CDKL4: variants seen among roughly 807,000 people sequenced by gnomAD.
CDKL4 encodes the protein cyclin-dependent kinase-like 4.
Under a neutral mutation model 42.0 loss-of-function variants are expected in CDKL4, and 44 were observed. That is an observed-to-expected ratio of 1.05 (90% CI 0.82 to 1.35). The LOEUF is 1.35. CDKL4 is among the 40% of genes most tolerant of loss of function. The pLI, the probability that CDKL4 is intolerant of heterozygous loss-of-function variation, is 0.00. For synonymous variants in CDKL4, 120 were observed against 121.6 expected (o/e 0.99, Z 0.09); for missense variants, 393 against 369.9 (o/e 1.06, Z -0.51).
chr2:39,173,057 A>G (rs1223093513), downstream of CDKL4, among the ~76,000 whole-genome samples: 1 of 152,258 alleles, frequency 6.6e-6, no homozygotes, highest in Non-Finnish European at 1.5e-5. Flanking sequence ...AAAGACAGTC[A>G]TCCCACCATC....
At chr2:39,210,729 C>G (rs961945258) in intron 4 of CDKL4, among the ~76,000 whole-genome samples, 2 of 152,120 alleles carry the variant, frequency 1.3e-5, no homozygotes, top group Non-Finnish European at 2.9e-5. Context: ...CCTGCAGCAA[C>G]TTTGATATCT....
At chr2:39,235,494 A>T in intron 1 of CDKL4, among the ~76,000 whole-genome samples, 1 of 152,212 alleles carries the variant, frequency 6.6e-6, no homozygotes, top group Admixed American at 6.5e-5. Context: ...AAATGCCATT[A>T]ATCTACTTAG....
At chr2:39,226,470 TATATATA>T (rs1443124594) in intron 2 of CDKL4, among the ~76,000 whole-genome samples, 3 of 142,650 alleles carry the variant, frequency 2.1e-5, no homozygotes, top group African/African-American at 7.7e-5. Context: ...ATATATTATA[TATATATA>T]ATATATATTA....
chr2:39,178,636 T>C (rs771534436), intron 9 of CDKL4: 3 of 1,583,864 alleles, frequency 1.9e-6, no homozygotes, highest in Middle Eastern at 1.7e-4. Context: ...ACAGTCACCA[T>C]ACTGTTCTGC....
intron 3 of CDKL4, among the ~76,000 whole-genome samples, chr2:39,214,991 T>C (rs1416671694): frequency 6.6e-6 from 1 of 152,198 alleles, no homozygotes; most frequent in East Asian, 1.9e-4. Flanking sequence ...TCTCTGTAAC[T>C]TTTCTGTTGG....
At chr2:39,197,731 T>G (rs12712631) in intron 5 of CDKL4, among the ~76,000 whole-genome samples, 2 of 152,026 alleles carry the variant, frequency 1.3e-5, no homozygotes, top group Non-Finnish European at 1.5e-5. Context: ...TTGTATCTAG[T>G]GAAACTAAGC....
intron 9 of CDKL4, chr2:39,178,890 T>C: frequency 6.8e-7 from 1 of 1,463,778 alleles, no homozygotes; most frequent in Non-Finnish European, 9.0e-7. Context: ...TTATATGAAG[T>C]TGTTATATTA....
intron 8 of CDKL4, among the ~76,000 whole-genome samples, chr2:39,179,864 C>T (rs1386889407): frequency 6.6e-6 from 1 of 152,040 alleles, no homozygotes; most frequent in African/African-American, 2.4e-5. Context: ...GAACCTAAAA[C>T]AAGGAAAAAT....
At chr2:39,185,486 C>G (rs1675780407) in intron 7 of CDKL4, among the ~76,000 whole-genome samples, 1 of 139,500 alleles carries the variant, frequency 7.2e-6, no homozygotes. Flanking sequence ...ATATTTGAGA[C>G]AGAGTCTCTG....
intron 8 of CDKL4, among the ~76,000 whole-genome samples, chr2:39,181,127 T>C (rs1224728260): frequency 1.3e-5 from 2 of 152,214 alleles, no homozygotes; most frequent in Non-Finnish European, 2.9e-5. Context: ...CAACCCATTA[T>C]GTATTTTGAA....
At chr2:39,185,177 CAT>C (rs1272570606) in intron 7 of CDKL4, among the ~76,000 whole-genome samples, 1 of 112,678 alleles carries the variant, frequency 8.9e-6, no homozygotes, top group Non-Finnish European at 1.8e-5. Context: ...TATATATATA[CAT>C]ATGTGTATAT....
chr2:39,171,340 C>G (rs1158377748), downstream of CDKL4, among the ~76,000 whole-genome samples: 1 of 151,290 alleles, frequency 6.6e-6, no homozygotes, highest in East Asian at 1.9e-4. Context: ...GGAAAAAAAA[C>G]AAACTACTTT....
chr2:39,221,186 T>C (rs553606446), intron 3 of CDKL4, among the ~76,000 whole-genome samples: 1 of 151,520 alleles, frequency 6.6e-6, no homozygotes, highest in East Asian at 2.0e-4. Context: ...GCTAATTTTT[T>C]TGTATTTTTT....
intron 1 of CDKL4, among the ~76,000 whole-genome samples, chr2:39,241,619 T>C (rs11900474): frequency 0.063 from 9,626 of 152,234 alleles, 430 homozygotes; most frequent in Non-Finnish European, 0.099. Context: ...CCAAACACTT[T>C]CAGGTCTCTA....
At chr2:39,199,987 G>C (rs1676751737) in intron 5 of CDKL4, among the ~76,000 whole-genome samples, 1 of 152,054 alleles carries the variant, frequency 6.6e-6, no homozygotes, top group South Asian at 2.1e-4. Flanking sequence ...GTCCTAGCTA[G>C]AGCAATCAGA....
In CDKL4 at chr2:39,190,510, T is replaced by C; in HGVS notation, c.455-8A>G. ...TGTAGGCATCTCCTGGAACTGCAAA[T>C]GCATCAATCAGATCAGGTAAGTCAA... On this transcript the variant is annotated splice_polypyrimidine_tract_variant and splice_region_variant and intron_variant, in intron 5 of 9. Transcript: ENST00000451199. The C allele has an allele frequency of 1.2e-6, 2 of 1,613,488 alleles. No individual in the cohort carries two copies. Among genetic ancestry groups the C allele is most frequent in the South Asian group, 1.1e-5 (1 of 91,080 alleles).
intron 5 of CDKL4, among the ~76,000 whole-genome samples, chr2:39,196,082 T>C (rs1383882489): frequency 6.6e-6 from 1 of 152,210 alleles, no homozygotes; most frequent in African/African-American, 2.4e-5. Context: ...GGGAGCTCTA[T>C]GGCCCCACCC....
At chr2:39,245,998 AAG>A (rs1179168580), upstream of CDKL4, among the ~76,000 whole-genome samples, 5 of 152,222 alleles carry the variant, frequency 3.3e-5, no homozygotes, top group African/African-American at 1.2e-4. Context: ...TTACTTGGGA[AAG>A]AGAATTTTGG....
At chr2:39,215,414 G>T (rs1156257101) in intron 3 of CDKL4, among the ~76,000 whole-genome samples, 1 of 152,128 alleles carries the variant, frequency 6.6e-6, no homozygotes, top group African/African-American at 2.4e-5. Context: ...TTTGCTCAGT[G>T]TTGTTTGTCT....
Sources: gnomAD v4.1 joint callset for allele counts (sites outside exome capture counted in the v4.1 genomes callset) on GRCh38, gnomAD v4.1.1 for gene constraint, MANE v1.5 for transcripts, NCBI Gene and HGNC (gene_info 2026-07-23, HGNC 2026-07-21) for gene names.